The following ARIH2 variants were observed in gnomAD, a reference collection of about 807,000 sequenced individuals.
The protein encoded by ARIH2 is ariadne RBR E3 ubiquitin protein ligase 2, also known as E3 ubiquitin-protein ligase ARIH2.
In ARIH2, 12 loss-of-function variants were observed where a neutral mutation model predicts 79.8. The observed-to-expected ratio is 0.15, with a 90% confidence interval of 0.10 to 0.24. ARIH2 has a LOEUF of 0.24. ARIH2 is among the 10% of genes least tolerant of loss of function. The pLI is 1.00. For synonymous variants in ARIH2, 224 were observed against 213.9 expected (o/e 1.05, Z -0.41); for missense variants, 301 against 618.3 (o/e 0.49, Z 5.44).
chr3:48,919,582 C>T (rs2084476269), intron 1 of ARIH2, among the ~76,000 whole-genome samples: 1 of 152,246 alleles, frequency 6.6e-6, no homozygotes. Context: ...ATGTTCTTTA[C>T]CTTTGCTGTT....
In ARIH2 at chr3:48,940,808, AATATAT is replaced by A. The variant is rs1553702240; in HGVS notation, c.255+13011_255+13016del. ...AGACTCCGTCTCAAAAAAAAAAAAA[AATATAT>A]ATATATATATATATAGCCACATACA... On this transcript the variant is annotated intron_variant, in intron 3 of 15. Transcript: ENST00000356401. Among the ~76,000 whole-genome samples the A allele has an allele frequency of 1.9e-4, 19 of 98,054 alleles. 1 individual carries two copies. The highest frequency in any genetic ancestry group is 6.6e-4 in the African/African-American group (16 of 24,370). 64.3% of individuals were successfully genotyped at this position (98,054 alleles called of 152,430 possible).
chr3:48,926,945 G>A (rs553704248), intron 2 of ARIH2: 1 of 153,488 alleles, frequency 6.5e-6, no homozygotes, highest in East Asian at 1.9e-4. Flanking sequence ...TACCAACTAT[G>A]CACCTATTTT....
At chr3:48,923,440 G>A (rs2085114550) in intron 2 of ARIH2, among the ~76,000 whole-genome samples, 1 of 147,886 alleles carries the variant, frequency 6.8e-6, no homozygotes, top group Non-Finnish European at 1.5e-5. Flanking sequence ...TATTTTTATT[G>A]CCCCACAATT....
intron 3 of ARIH2, among the ~76,000 whole-genome samples, chr3:48,929,075 G>T (rs2106948330): frequency 6.6e-6 from 1 of 152,276 alleles, no homozygotes; most frequent in South Asian, 2.1e-4. Flanking sequence ...TTTTGCTTTA[G>T]TCATACTGTC....
At chr3:48,934,769 C>A (rs898687194) in intron 3 of ARIH2, 1 of 985,268 alleles carries the variant, frequency 1.0e-6, no homozygotes, top group Non-Finnish European at 1.2e-6. Flanking sequence ...ATGTCCTTGT[C>A]TTGCCAGCTT....
chr3:48,919,260 G>T (rs939309907), intron 1 of ARIH2: 6 of 1,181,296 alleles, frequency 5.1e-6, no homozygotes, highest in African/African-American at 4.8e-5. Context: ...ACCGGCGCCG[G>T]CACATCTAGG....
chr3:48,957,202 T>G (rs985445701), intron 3 of ARIH2, among the ~76,000 whole-genome samples: 1 of 152,240 alleles, frequency 6.6e-6, no homozygotes, highest in Non-Finnish European at 1.5e-5. Context: ...AATTCTTGGC[T>G]TCAGTAGAGG....
At chr3:48,970,516 G>A in intron 7 of ARIH2, 79 bp from the exon 8 acceptor site, 3 of 930,306 alleles carry the variant, frequency 3.2e-6, no homozygotes, top group Non-Finnish European at 5.3e-6. Context: ...AACAGAAAGT[G>A]TTTGAATATT....
At chr3:48,927,911 T>C in intron 3 of ARIH2, 98 bp downstream of exon 3, 1 of 1,466,760 alleles carries the variant, frequency 6.8e-7, no homozygotes, top group Non-Finnish European at 9.2e-7. Flanking sequence ...TGAATGGCCT[T>C]GTAGCTTGAA....
intron 2 of ARIH2, among the ~76,000 whole-genome samples, chr3:48,925,501 A>T (rs2085453423): frequency 1.3e-5 from 2 of 150,870 alleles, no homozygotes; most frequent in South Asian, 4.2e-4. Context: ...GCCTCAAGGG[A>T]TCCTCTCATC....
intron 3 of ARIH2, among the ~76,000 whole-genome samples, chr3:48,956,436 G>T (rs1240710297): frequency 8.7e-6 from 1 of 115,590 alleles, no homozygotes; most frequent in Non-Finnish European, 1.9e-5. Flanking sequence ...ACTGCGCCCG[G>T]CACTTTTTTT....
chr3:48,981,787 C>A, intron 14 of ARIH2, 59 bp downstream of exon 14: 1 of 1,382,316 alleles, frequency 7.2e-7, no homozygotes, highest in Non-Finnish European at 1.0e-6. Flanking sequence ...CCTTCTCTAC[C>A]AGCACTTTGC....
At chr3:48,934,232 T>A (rs2086806874) in intron 3 of ARIH2, 1 of 463,500 alleles carries the variant, frequency 2.2e-6, no homozygotes, top group African/African-American at 2.1e-5. Context: ...TTGGTGTTCA[T>A]AACAACAAAA....
chr3:48,930,900 G>A (rs1445787449), intron 3 of ARIH2, among the ~76,000 whole-genome samples: 1 of 152,106 alleles, frequency 6.6e-6, no homozygotes, highest in Non-Finnish European at 1.5e-5. Context: ...ATAGCCTTAC[G>A]AATTCTAGTC....
intron 2 of ARIH2, among the ~76,000 whole-genome samples, chr3:48,926,123 G>A (rs2085556577): frequency 6.6e-6 from 1 of 152,192 alleles, no homozygotes; most frequent in Non-Finnish European, 1.5e-5. Flanking sequence ...TCTTCTGTGA[G>A]TTGAAGTTAG....
At chr3:48,928,827 T>C (rs2085983633) in intron 3 of ARIH2, among the ~76,000 whole-genome samples, 1 of 151,960 alleles carries the variant, frequency 6.6e-6, no homozygotes, top group Non-Finnish European at 1.5e-5. Context: ...GAAAGCTAAG[T>C]TGTTTTTTTT....
Position 48,961,688 on chromosome 3 carries a change from T to A in ARIH2, c.323+9T>A. On this transcript the variant is annotated intron_variant, in intron 4 of 15. Coordinates refer to ENST00000356401, the MANE Select transcript of ARIH2 (RefSeq NM_006321.4). ...TCAGAGATATTGGACAGGTAAGGTA[T>A]TTGGGGGAGGAGAGAGAACATTGCC... 1 of 1,593,704 alleles carries A rather than the reference T, an allele frequency of 6.3e-7. No individual in the cohort carries two copies. Among genetic ancestry groups the A allele is most frequent in the Non-Finnish European group, 8.6e-7 (1 of 1,161,706 alleles).
chr3:48,965,122 A>G, intron 5 of ARIH2, 140 bp downstream of exon 5: 2 of 608,010 alleles, frequency 3.3e-6, no homozygotes, highest in South Asian at 2.0e-5. Context: ...TGGGAGGCTG[A>G]GGCGGGTGGA....
At chr3:48,972,347 G>A (rs1249486613) in intron 8 of ARIH2, among the ~76,000 whole-genome samples, 5 of 152,238 alleles carry the variant, frequency 3.3e-5, no homozygotes, top group Admixed American at 3.3e-4. Flanking sequence ...TGTTGTAGGG[G>A]CCAAGTGTGG....
Sources: allele counts gnomAD v4.1 joint callset (sites outside exome capture counted in the v4.1 genomes callset), GRCh38; gene constraint gnomAD v4.1.1; transcripts MANE v1.5; gene names NCBI Gene and HGNC (gene_info 2026-07-23, HGNC 2026-07-21).